Variants in ZBTB46 observed in about 807,000 individuals in gnomAD.
ZBTB46 encodes zinc finger and BTB domain-containing protein 46.
Under a neutral mutation model 44.1 loss-of-function variants are expected in ZBTB46, and 8 were observed. The observed-to-expected ratio is 0.18, with a 90% CI of 0.11 to 0.33. ZBTB46 has a LOEUF of 0.33. Among genes scored for constraint, ZBTB46 ranks in the 10% least tolerant of loss-of-function variants. The pLI is 1.00. For missense variants in ZBTB46, 651 were observed against 847.7 expected (o/e 0.77, Z 2.88); for synonymous variants, 409 against 382.3 (o/e 1.07, Z -0.81).
At chr20:63,776,030 C>T (rs1253064786) in intron 2 of ZBTB46, 68 bp from the exon 3 acceptor site, 3 of 1,483,606 alleles carry the variant, frequency 2.0e-6, no homozygotes, top group Non-Finnish European at 1.8e-6. Context: ...GGACAGGCGA[C>T]ACATTTAGAA....
In ZBTB46 at chr20:63,775,898, A is replaced by G. The variant is rs2092421851; in HGVS notation, c.1002T>C (p.Tyr334=). 2.5e-6 allele frequency: 4 copies of G among 1,609,648 alleles called. No individual in the cohort carries two copies. The highest frequency in any genetic ancestry group is 1.3e-5 in the African/African-American group (1 of 74,886). Residue 334 remains tyrosine, a synonymous_variant, in exon 3 of 5, where the codon TAT becomes TAC. Coordinates refer to ENST00000245663, the MANE Select transcript of ZBTB46 (RefSeq NM_001369741.1). Reference sequence around the variant, plus strand: ...CCAGGAGACCCTCCTCCACCTGTGCATAGAGCTCGGCCCTCTCTCCTCGGC... The same window carrying G: ...CCAGGAGACCCTCCTCCACCTGTGCGTAGAGCTCGGCCCTCTCTCCTCGGC... ...SDSRGERAEL[Y]AQVEEGLLGG...
chr20:63,744,734 T>C lies in ZBTB46; in HGVS notation c.*2196A>G, dbSNP rs2092072277. On this transcript the variant is annotated 3_prime_UTR_variant, in exon 5 of 5. Transcript: ENST00000245663. ...CGCAGCAAACACTTGGGGAGGTCAG[T>C]GGGACACTGTTGGTTTTAGGGAAGA... is the stretch of plus-strand genomic sequence containing the variant. 1.3e-5 allele frequency: 2 copies of C among 152,412 alleles called. No homozygotes were observed. Among genetic ancestry groups the C allele is most frequent in the South Asian group, 4.1e-4 (2 of 4,832 alleles). 9.4% of individuals were successfully genotyped at this position (152,412 alleles called of 1,614,324 possible). A position where few individuals can be genotyped will look rare whatever the true frequency, so the allele number is the denominator to read the frequency against.
At chr20:63,777,460 C>G (rs2092435238) in intron 2 of ZBTB46, among the ~76,000 whole-genome samples, 1 of 152,060 alleles carries the variant, frequency 6.6e-6, no homozygotes, top group African/African-American at 2.4e-5. Flanking sequence ...GAGTGAGACC[C>G]TATCTCAAAA....
At chr20:63,760,683 T>G (rs1294455594) in intron 3 of ZBTB46, among the ~76,000 whole-genome samples, 1 of 152,144 alleles carries the variant, frequency 6.6e-6, no homozygotes, top group Non-Finnish European at 1.5e-5. Context: ...GTCTCGGATC[T>G]CCTGACCTCG....
At chr20:63,768,945 A>T (rs923242302) in intron 3 of ZBTB46, among the ~76,000 whole-genome samples, 1 of 152,258 alleles carries the variant, frequency 6.6e-6, no homozygotes, top group Non-Finnish European at 1.5e-5. Flanking sequence ...CTTTACATTA[A>T]GGGAAAAAAA....
intron 1 of ZBTB46, among the ~76,000 whole-genome samples, chr20:63,813,525 G>C (rs2092729978): frequency 1.3e-5 from 2 of 152,126 alleles, no homozygotes; most frequent in Admixed American, 1.3e-4. Flanking sequence ...ACACACCAGA[G>C]TAACTGCTCC....
intron 1 of ZBTB46, among the ~76,000 whole-genome samples, chr20:63,813,847 G>A (rs868410220): frequency 3.9e-5 from 6 of 152,244 alleles, no homozygotes; most frequent in Admixed American, 2.0e-4. Context: ...GCGACGCTGA[G>A]GAAGTGTTGC....
chr20:63,815,276 G>C (rs1266904097), intron 1 of ZBTB46: 1 of 285,536 alleles, frequency 3.5e-6, no homozygotes, highest in Admixed American at 5.3e-5. Context: ...CACCGGTGCA[G>C]TGAGTGCAGG....
At chr20:63,819,438 AC>A (rs2092778930) in intron 1 of ZBTB46, among the ~76,000 whole-genome samples, 1 of 152,088 alleles carries the variant, frequency 6.6e-6, no homozygotes, top group Non-Finnish European at 1.5e-5. Context: ...TCTCAGGCTC[AC>A]CCGGAGGCGT....
At chr20:63,761,152 C>A (rs1171914833) in intron 3 of ZBTB46, among the ~76,000 whole-genome samples, 2 of 149,858 alleles carry the variant, frequency 1.3e-5, no homozygotes, top group Non-Finnish European at 3.0e-5. Flanking sequence ...GCACCCACCA[C>A]CATACCCGGC....
At position 63,746,807 on chromosome 20, in the gene ZBTB46, G is replaced by A. The variant is rs1423817462; in HGVS notation, c.*123C>T. The A allele has an allele frequency of 5.1e-6, 7 of 1,386,122 alleles. No individual in the cohort carries two copies. The highest frequency in any genetic ancestry group is 6.6e-6 in the Non-Finnish European group (7 of 1,064,420). 85.9% of individuals were successfully genotyped at this position (1,386,122 alleles called of 1,614,324 possible). ...CTGGTTTCCGTGGGGGGTGGGTTCA[G>A]GGGGAAGCAGAGGAGGGGCCGCGAG... On this transcript the variant is annotated 3_prime_UTR_variant, in exon 5 of 5. Transcript: ENST00000245663.
intron 2 of ZBTB46, among the ~76,000 whole-genome samples, chr20:63,783,353 C>T (rs934215346): frequency 7.2e-5 from 11 of 152,132 alleles, no homozygotes; most frequent in Non-Finnish European, 1.3e-4. Flanking sequence ...CACTTGAACC[C>T]GAGAGGCAGA....
chr20:63,748,495 G>A (rs1294147990), intron 4 of ZBTB46, among the ~76,000 whole-genome samples: 3 of 152,192 alleles, frequency 2.0e-5, no homozygotes, highest in Non-Finnish European at 4.4e-5. Context: ...GGGCACCCTC[G>A]GCCACGCCAG....
chr20:63,782,468 G>A (rs972945809), intron 2 of ZBTB46, among the ~76,000 whole-genome samples: 11 of 152,298 alleles, frequency 7.2e-5, no homozygotes, highest in South Asian at 2.1e-4. Flanking sequence ...CAGCCCTGCC[G>A]GCTGCTTCAG....
intron 2 of ZBTB46, among the ~76,000 whole-genome samples, chr20:63,786,461 G>A (rs569884577): frequency 2.0e-5 from 3 of 152,170 alleles, no homozygotes; most frequent in Non-Finnish European, 2.9e-5. Context: ...AACTCAGCCC[G>A]AGGCTGAGTT....
intron 1 of ZBTB46, among the ~76,000 whole-genome samples, chr20:63,821,184 C>CTTTTT (rs536486903): frequency 7.1e-6 from 1 of 140,046 alleles, no homozygotes; most frequent in Non-Finnish European, 1.5e-5. Flanking sequence ...TGCGCCCGGC[C>CTTTTT]TTTTTTTTTT....
Position 63,797,536 on chromosome 20 carries a change from T to A in ZBTB46, c.-33-6746A>T, listed in dbSNP as rs559494834. On this transcript the variant is annotated intron_variant, in intron 1 of 4. Transcript: ENST00000245663. ...TATACCCAGTAATGGGATGGCTGGG[T>A]CAAATAGTATTTCTAGTTCTAGATC... Among the ~76,000 whole-genome samples, 4 of 152,308 alleles carry A rather than the reference T, an allele frequency of 2.6e-5. No individual in the cohort carries two copies. In the South Asian group the frequency reaches 8.3e-4, roughly 32 times the overall value.
intron 2 of ZBTB46, among the ~76,000 whole-genome samples, chr20:63,785,147 ATG>A: frequency 7.0e-6 from 1 of 143,806 alleles, no homozygotes; most frequent in South Asian, 2.3e-4. Context: ...CAGGAGAATG[ATG>A]TGAACCTGGG....
chr20:63,811,930 GA>G (rs943606905), intron 1 of ZBTB46, among the ~76,000 whole-genome samples: 4 of 151,850 alleles, frequency 2.6e-5, no homozygotes, highest in African/African-American at 4.8e-5. Context: ...ACTTGCCTGG[GA>G]AAAAAAACTA....
Sources: gnomAD v4.1 joint callset for allele counts (sites outside exome capture counted in the v4.1 genomes callset) on GRCh38, gnomAD v4.1.1 for gene constraint, MANE v1.5 for transcripts, NCBI Gene and HGNC (gene_info 2026-07-23, HGNC 2026-07-21) for gene names.